Variants in CERS3 observed in about 807,000 individuals in gnomAD.
CERS3 encodes the protein LAG1 homolog, ceramide synthase 3.
Under a neutral mutation model 50.3 loss-of-function variants are expected in CERS3, and 33 were observed. That is an observed-to-expected ratio of 0.66 (90% confidence interval 0.50 to 0.88). CERS3 has a LOEUF of 0.88. CERS3 is among the 40% of genes least tolerant of loss of function. The pLI is 0.00. For missense variants in CERS3, 470 were observed against 460.3 expected (o/e 1.02, Z -0.19); for synonymous variants, 176 against 155.2 (o/e 1.13, Z -0.99).
At chr15:100,423,518 G>A (rs566906651) in intron 11 of CERS3, among the ~76,000 whole-genome samples, 9 of 152,122 alleles carry the variant, frequency 5.9e-5, no homozygotes, top group Non-Finnish European at 8.8e-5. Flanking sequence ...TAATGCAGGA[G>A]CAGAAAACCA....
intron 3 of CERS3, among the ~76,000 whole-genome samples, chr15:100,491,333 C>T (rs1503478): frequency 0.98 from 149,948 of 152,316 alleles, 73,853 homozygotes; most frequent in East Asian, 1. Context: ...TTCTAACATA[C>T]GAAAAAATGG....
intron 1 of CERS3, among the ~76,000 whole-genome samples, chr15:100,543,607 G>C (rs1465270553): frequency 6.7e-6 from 1 of 149,566 alleles, no homozygotes; most frequent in Non-Finnish European, 1.5e-5. Context: ...TCGGCTCACT[G>C]TCACCTCTGC....
At chr15:100,528,360 G>A (rs1325734817) in intron 1 of CERS3, among the ~76,000 whole-genome samples, 2 of 152,184 alleles carry the variant, frequency 1.3e-5, no homozygotes, top group East Asian at 3.9e-4. Flanking sequence ...AATGGCCTTT[G>A]CCACCTGGCA....
At chr15:100,413,677 A>C (rs994872288) in intron 11 of CERS3, among the ~76,000 whole-genome samples, 4 of 151,960 alleles carry the variant, frequency 2.6e-5, no homozygotes, top group African/African-American at 7.2e-5. Context: ...GTTGGTGAGC[A>C]TGTGGGGAAA....
chr15:100,490,387 C>T lies in CERS3; in HGVS notation c.288+430G>A, dbSNP rs915524037. Among the ~76,000 whole-genome samples the T allele has an allele frequency of 9.2e-5, 14 of 152,132 alleles. No individual in the cohort carries two copies. The East Asian group carries it at 1.5e-3, about 17-fold the overall frequency. ...AAAATAACAGTCCTACTCATGAAAG[C>T]GACCCCAATGAACATTTTCATAATG... On this transcript the variant is annotated intron_variant, in intron 4 of 11. Transcript: ENST00000679737.
chr15:100,541,399 G>C (rs1015228492), intron 1 of CERS3, among the ~76,000 whole-genome samples: 5 of 152,148 alleles, frequency 3.3e-5, no homozygotes, highest in African/African-American at 1.2e-4. Flanking sequence ...TTGAACCCAG[G>C]AAGCGGAGGT....
intron 11 of CERS3, among the ~76,000 whole-genome samples, chr15:100,420,308 C>T (rs993337459): frequency 2.1e-4 from 32 of 150,916 alleles, no homozygotes; most frequent in East Asian, 5.8e-4. Flanking sequence ...AACACCTCTA[C>T]GCAAATAAAC....
At chr15:100,491,571 A>G (rs1198729054) in intron 3 of CERS3, among the ~76,000 whole-genome samples, 2 of 152,264 alleles carry the variant, frequency 1.3e-5, no homozygotes, top group South Asian at 4.1e-4. Flanking sequence ...ATTTTCCACT[A>G]TAATCTTTAT....
intron 5 of CERS3, 82 bp downstream of exon 5, chr15:100,484,468 C>T: frequency 2.1e-6 from 2 of 965,032 alleles, no homozygotes; most frequent in South Asian, 1.3e-5. Context: ...CCCTCTGCTG[C>T]TCCGGCAGTA....
chr15:100,526,277 G>C (rs567343245), intron 1 of CERS3, among the ~76,000 whole-genome samples: 1 of 152,328 alleles, frequency 6.6e-6, no homozygotes, highest in Admixed American at 6.5e-5. Flanking sequence ...ATTCGTGTTG[G>C]GGAGGGCTTG....
At chr15:100,505,242 A>C (rs2587784) in intron 2 of CERS3, among the ~76,000 whole-genome samples, 35,435 of 152,198 alleles carry the variant, frequency 0.23, 4,412 homozygotes, top group East Asian at 0.39. Flanking sequence ...TAGCTTGCTC[A>C]CCTGTAAAAC....
intron 11 of CERS3, 56 bp downstream of exon 11, chr15:100,455,837 C>A: frequency 2.6e-6 from 3 of 1,151,354 alleles, no homozygotes; most frequent in South Asian, 1.7e-5. Context: ...ACAGTCCGGG[C>A]CTCACCATTA....
At chr15:100,473,211 G>C (rs1055540286) in intron 8 of CERS3, among the ~76,000 whole-genome samples, 159 bp from the exon 9 acceptor site, 1 of 152,166 alleles carries the variant, frequency 6.6e-6, no homozygotes, top group East Asian at 1.9e-4. Flanking sequence ...TTGTGAGGGA[G>C]CTAAGACATG....
chr15:100,532,386 C>G (rs904882151), upstream of CERS3, among the ~76,000 whole-genome samples: 57 of 152,240 alleles, frequency 3.7e-4, no homozygotes, highest in African/African-American at 1.3e-3. Context: ...TTACTATCAA[C>G]AAACTGTTTT....
chr15:100,424,141 A>T (rs2032657060), intron 11 of CERS3, among the ~76,000 whole-genome samples: 1 of 152,052 alleles, frequency 6.6e-6, no homozygotes, highest in Admixed American at 6.5e-5. Flanking sequence ...GGGTTTCTCC[A>T]CGTTGGTCAG....
chr15:100,471,609 C>T (rs780001335), intron 9 of CERS3, among the ~76,000 whole-genome samples: 2 of 152,050 alleles, frequency 1.3e-5, no homozygotes, highest in East Asian at 1.9e-4. Context: ...TACTGAGATA[C>T]GATCAGAGAA....
At chr15:100,409,454 A>AC (rs5814962) in intron 11 of CERS3, among the ~76,000 whole-genome samples, 87,174 of 151,826 alleles carry the variant, frequency 0.57, 25,251 homozygotes, top group Non-Finnish European at 0.6. Context: ...GCTTAAAAAA[A>AC]GTGCAGCCCA....
chr15:100,464,597 G>C (rs2034655598), intron 10 of CERS3, among the ~76,000 whole-genome samples: 1 of 152,194 alleles, frequency 6.6e-6, no homozygotes, highest in Non-Finnish European at 1.5e-5. Flanking sequence ...CAGAGGAAGT[G>C]GTTTGCCTGG....
At chr15:100,510,183 A>T (rs905260519) in intron 2 of CERS3, among the ~76,000 whole-genome samples, 1 of 152,232 alleles carries the variant, frequency 6.6e-6, no homozygotes, top group Non-Finnish European at 1.5e-5. Context: ...GACAATGCAA[A>T]TGATAGAACA....
Sources: gnomAD v4.1 joint callset for allele counts (sites outside exome capture counted in the v4.1 genomes callset) on GRCh38, gnomAD v4.1.1 for gene constraint, MANE v1.5 for transcripts, NCBI Gene and HGNC (gene_info 2026-07-23, HGNC 2026-07-21) for gene names.